Variants in ZNF532 observed in about 807,000 individuals in gnomAD.
The protein encoded by ZNF532 is zinc finger protein 532.
ZNF532 carries 22 observed loss-of-function variants against 89.3 expected under a neutral mutation model. The ratio of observed to expected loss-of-function variants is 0.25; its 90% confidence interval spans 0.18 to 0.35. ZNF532 has a LOEUF of 0.35. ZNF532 is among the 10% of genes least tolerant of loss of function. The pLI is 1.00. For synonymous variants in ZNF532, 606 were observed against 649.6 expected (o/e 0.93, Z 1.02); for missense variants, 1,132 against 1,643.4 (o/e 0.69, Z 5.38).
At chr18:58,878,071 A>G (rs948983040) in intron 2 of ZNF532, among the ~76,000 whole-genome samples, 1 of 152,124 alleles carries the variant, frequency 6.6e-6, no homozygotes, top group Non-Finnish European at 1.5e-5. Flanking sequence ...TCTGGCCAAC[A>G]TGGTGAAACC....
At chr18:58,871,493 G>C (rs1300208647) in intron 2 of ZNF532, among the ~76,000 whole-genome samples, 1 of 152,256 alleles carries the variant, frequency 6.6e-6, no homozygotes, top group East Asian at 1.9e-4. Flanking sequence ...CAGCTCGTAA[G>C]TGGAAGTGGA....
At chr18:58,872,739 G>A (rs190129339) in intron 2 of ZNF532, among the ~76,000 whole-genome samples, 345 of 144,618 alleles carry the variant, frequency 2.4e-3, no homozygotes, top group African/African-American at 8.3e-3. Context: ...TTGCTGTGTC[G>A]CTCAGGCTGG....
intron 3 of ZNF532, among the ~76,000 whole-genome samples, chr18:58,929,779 C>G (rs189874151): frequency 2.6e-5 from 4 of 152,126 alleles, no homozygotes; most frequent in Non-Finnish European, 5.9e-5. Flanking sequence ...GCATATAAAG[C>G]CATTTCTGCT....
chr18:58,973,041 C>T (rs1026665678), intron 7 of ZNF532, among the ~76,000 whole-genome samples: 1 of 152,160 alleles, frequency 6.6e-6, no homozygotes, highest in Non-Finnish European at 1.5e-5. Context: ...TTTGATTGTA[C>T]GCTTTTTCTT....
chr18:58,938,987 C>T (rs1350835281), intron 4 of ZNF532, among the ~76,000 whole-genome samples: 1 of 152,000 alleles, frequency 6.6e-6, no homozygotes, highest in African/African-American at 2.4e-5. Context: ...TGGTTTACAC[C>T]TATAATCCCA....
rs1412684400 is a variant in ZNF532 at position 58,908,403 on chromosome 18, G to A, written c.-17-9868G>A. Among the ~76,000 whole-genome samples the A allele has an allele frequency of 1.2e-4, 19 of 152,304 alleles. No individual in the cohort carries two copies. In the East Asian group the frequency reaches 3.5e-3, roughly 28 times the overall value. ...TGTATGTCCTTGCTTATTAATAAAT[G>A]ACGAGAGTGTAGATCGGTAAGTTGT... On this transcript the variant is annotated intron_variant, in intron 2 of 9. Coordinates refer to ENST00000591808, the MANE Select transcript of ZNF532 (RefSeq NM_001375912.1).
chr18:58,899,615 C>T (rs1210351508), intron 2 of ZNF532, among the ~76,000 whole-genome samples: 2 of 152,054 alleles, frequency 1.3e-5, no homozygotes, highest in East Asian at 1.9e-4. Flanking sequence ...ACTACAGGTG[C>T]GAGCCACCAC....
At chr18:58,896,030 T>A (rs1004503248) in intron 2 of ZNF532, among the ~76,000 whole-genome samples, 27 of 152,078 alleles carry the variant, frequency 1.8e-4, no homozygotes, top group African/African-American at 6.0e-4. Flanking sequence ...TTTAAATTTT[T>A]AAAATAGAAA....
rs1270804201 is a variant in ZNF532 at position 58,984,989 on chromosome 18, T to G, written c.*523T>G. On this transcript the variant is annotated 3_prime_UTR_variant, in exon 10 of 10. Transcript: ENST00000591808. Reference sequence around the variant, plus strand: ...TGTCTTAGCACTTCCTCGATGTGCCTGCCCTGAGGGAGTGAGTTCACATTT... The same window carrying G: ...TGTCTTAGCACTTCCTCGATGTGCCGGCCCTGAGGGAGTGAGTTCACATTT... 1 of 156,628 alleles carries G rather than the reference T, an allele frequency of 6.4e-6. No homozygotes were observed. Among genetic ancestry groups the G allele is most frequent in the African/African-American group, 2.4e-5 (1 of 41,484 alleles). The allele number at this position is 156,628 out of a possible 1,614,324, so 9.7% of individuals were successfully genotyped here. A position where few individuals can be genotyped will look rare whatever the true frequency, so the allele number is the denominator to read the frequency against.
chr18:58,931,341 G>T (rs2061947005), intron 3 of ZNF532, among the ~76,000 whole-genome samples: 1 of 152,100 alleles, frequency 6.6e-6, no homozygotes, highest in Non-Finnish European at 1.5e-5. Context: ...GTCATTACAG[G>T]CCACAAAGAG....
intron 5 of ZNF532, among the ~76,000 whole-genome samples, chr18:58,943,714 G>C (rs1733418982): frequency 6.6e-6 from 1 of 152,176 alleles, no homozygotes; most frequent in Non-Finnish European, 1.5e-5. Context: ...GCCTGCCTCA[G>C]CCTCCCAGAT....
chr18:58,984,679 A>G lies in ZNF532; in HGVS notation c.*213A>G, dbSNP rs570607939. On this transcript the variant is annotated 3_prime_UTR_variant, in exon 10 of 10. Coordinates refer to ENST00000591808, the MANE Select transcript of ZNF532 (RefSeq NM_001375912.1). ...AAAGAGTTTGTATATATTTAAATGA[A>G]TAACTTTTTATACTCTTTGTTACAT... 2.8e-5 allele frequency: 13 copies of G among 468,568 alleles called. No homozygotes were observed. The highest frequency in any genetic ancestry group is 4.8e-5 in the Non-Finnish European group (13 of 270,970). 29.0% of individuals were successfully genotyped at this position (468,568 alleles called of 1,614,324 possible).
At chr18:58,951,571 A>G (rs954734681) in intron 6 of ZNF532, among the ~76,000 whole-genome samples, 1 of 151,832 alleles carries the variant, frequency 6.6e-6, no homozygotes, top group South Asian at 2.1e-4. Flanking sequence ...TTGGCTATCA[A>G]GAAATCATGT....
In ZNF532 at chr18:58,920,472, T is replaced by C. The variant is rs2060947630; in HGVS notation, c.2185T>C (p.Ser729Pro). 6.2e-7 allele frequency: 1 copy of C among 1,613,776 alleles called. No homozygotes were observed. Among genetic ancestry groups the C allele is most frequent in the Non-Finnish European group, 8.5e-7 (1 of 1,179,874 alleles). Residue 729 changes from serine (S) to proline (P), a missense_variant, in exon 3 of 10, where the codon TCG becomes CCG. Coordinates refer to ENST00000591808, the MANE Select transcript of ZNF532 (RefSeq NM_001375912.1). ...GTCTGGCATAACTGGGACAGTCATA[T>C]CGGCTCCTTCAAGCACTCCCATCAC... ...IQSGITGTVI[S>P]APSSTPITPA...
intron 5 of ZNF532, chr18:58,939,958 A>G: frequency 6.1e-6 from 1 of 163,352 alleles, no homozygotes; most frequent in East Asian, 1.7e-4. Flanking sequence ...CAGTGGTGCG[A>G]TCTTGGCTCA....
At chr18:58,881,459 G>C (rs1824992697) in intron 2 of ZNF532, among the ~76,000 whole-genome samples, 1 of 152,186 alleles carries the variant, frequency 6.6e-6, no homozygotes, top group Non-Finnish European at 1.5e-5. Context: ...AGACCTTGCT[G>C]GGTTGTGTGT....
chr18:58,911,971 G>T (rs1202256836), intron 2 of ZNF532, among the ~76,000 whole-genome samples: 3 of 152,156 alleles, frequency 2.0e-5, no homozygotes, highest in Non-Finnish European at 4.4e-5. Context: ...AGAAGGCTGA[G>T]GTTTGTAGGG....
chr18:58,972,182 G>GA (rs750095617), intron 7 of ZNF532, among the ~76,000 whole-genome samples: 5 of 152,228 alleles, frequency 3.3e-5, no homozygotes, highest in Non-Finnish European at 7.3e-5. Context: ...CAGCCTGGGC[G>GA]ACAGAGACTC....
chr18:58,870,597 G>T (rs1042985166), intron 2 of ZNF532, among the ~76,000 whole-genome samples: 3 of 152,104 alleles, frequency 2.0e-5, no homozygotes, highest in African/African-American at 7.2e-5. Flanking sequence ...TCGTTACAAA[G>T]GTCCTGTGGC....
Sources: gnomAD v4.1 joint callset for allele counts (sites outside exome capture counted in the v4.1 genomes callset) on GRCh38, gnomAD v4.1.1 for gene constraint, MANE v1.5 for transcripts, NCBI Gene and HGNC (gene_info 2026-07-23, HGNC 2026-07-21) for gene names.